The following JAKMIP1 variants were observed in gnomAD, a reference collection of about 807,000 sequenced individuals.
The protein encoded by JAKMIP1 is janus kinase and microtubule-interacting protein 1.
JAKMIP1 carries 33 observed loss-of-function variants against 113.0 expected under a neutral mutation model. The observed-to-expected ratio is 0.29, with a 90% CI of 0.22 to 0.39. The LOEUF is 0.39. JAKMIP1 is among the 10% of genes least tolerant of loss of function. The pLI is 1.00. For missense variants in JAKMIP1, 813 were observed against 1,080.5 expected (o/e 0.75, Z 3.47); for synonymous variants, 480 against 459.9 (o/e 1.04, Z -0.56).
intron 1 of JAKMIP1, among the ~76,000 whole-genome samples, chr4:6,124,527 G>A (rs1050950625): frequency 1.3e-5 from 2 of 152,204 alleles, no homozygotes; most frequent in Non-Finnish European, 2.9e-5. Context: ...ACCCTTGCCT[G>A]TCTGCATTCG....
rs1309502446 is a variant in JAKMIP1, at chr4:6,108,670, C to T, written c.130-2703G>A. 6.6e-6 allele frequency among the ~76,000 whole-genome samples: 1 copy of T among 152,166 alleles called. No individual in the cohort carries two copies. The highest frequency in any genetic ancestry group is 1.5e-5 in the Non-Finnish European group (1 of 68,034). ...CCGCCACACCCTCCATGCTCAAAGCCCTCTAAATCTCATGGGTACCAGTTC... is the reference window on the plus strand; with the variant it reads ...CCGCCACACCCTCCATGCTCAAAGCTCTCTAAATCTCATGGGTACCAGTTC... On this transcript the variant is annotated intron_variant, in intron 2 of 20. Coordinates refer to ENST00000409021, the MANE Select transcript of JAKMIP1 (RefSeq NM_001099433.2). This position sits in a 1 kb window ranked among gnomAD's most constrained non-coding sequence, Gnocchi z 5.6.
At position 6,192,367 on chromosome 4, in the gene JAKMIP1, G is replaced by A. The variant is rs1222383136; in HGVS notation, c.-148+7886C>T. Among the ~76,000 whole-genome samples, 4 of 152,186 alleles carry A rather than the reference G, an allele frequency of 2.6e-5. No homozygotes were observed. The highest frequency in any genetic ancestry group is 1.3e-4 in the Admixed American group (2 of 15,282). On this transcript the variant is annotated intron_variant, in intron 1 of 20. Transcript: ENST00000409021. This position sits in a 1 kb window ranked among gnomAD's most constrained non-coding sequence, Gnocchi z 5.0. Reference sequence around the variant, plus strand: ...AGGTCCCCTGGTGGCCTCAGGACAAGTGTATGAGTCACCTGGCATTAGGAA... The same window carrying A: ...AGGTCCCCTGGTGGCCTCAGGACAAATGTATGAGTCACCTGGCATTAGGAA...
rs1377182366 is a variant in JAKMIP1 at position 6,067,081 on chromosome 4, G to A, written c.1303-2073C>T. ...GCTTCACCCCCGCCCCAGCCTCTGGGGCCTCCTTCTTTATTCCTTTCCATA... is the reference window on the plus strand; with the variant it reads ...GCTTCACCCCCGCCCCAGCCTCTGGAGCCTCCTTCTTTATTCCTTTCCATA... On this transcript the variant is annotated intron_variant, in intron 8 of 20. Transcript: ENST00000409021. This position sits in a 1 kb window ranked among gnomAD's most constrained non-coding sequence, Gnocchi z 4.6. Among the ~76,000 whole-genome samples the A allele has an allele frequency of 5.3e-5, 8 of 152,244 alleles. No homozygotes were observed. Among genetic ancestry groups the A allele is most frequent in the Non-Finnish European group, 1.0e-4 (7 of 68,006 alleles).
chr4:6,161,850 C>G (rs566011932), intron 1 of JAKMIP1, among the ~76,000 whole-genome samples: 13 of 152,176 alleles, frequency 8.5e-5, no homozygotes, highest in African/African-American at 3.1e-4. Flanking sequence ...ATAAATGGTG[C>G]AAGTTTGGGC....
Position 6,156,564 on chromosome 4 carries a change from C to G in JAKMIP1, c.-147-43567G>C, listed in dbSNP as rs892594648. Among the ~76,000 whole-genome samples the G allele has an allele frequency of 3.9e-5, 6 of 152,238 alleles. No homozygotes were observed. The highest frequency in any genetic ancestry group is 1.4e-4 in the African/African-American group (6 of 41,458). On this transcript the variant is annotated intron_variant, in intron 1 of 20. Transcript: ENST00000409021. This position sits in a 1 kb window ranked among gnomAD's most constrained non-coding sequence, Gnocchi z 5.0. ...GTTCTGAGCGTTCGGCTTCAGCCCC[C>G]AGTCATCCTGGTGACCCAGGGCTTA...
intron 5 of JAKMIP1, among the ~76,000 whole-genome samples, chr4:6,082,263 C>T (rs1242520649): frequency 2.6e-5 from 4 of 151,896 alleles, no homozygotes; most frequent in African/African-American, 4.8e-5. Flanking sequence ...CTCTAGACCC[C>T]TGCGTTTACT....
rs1466335276 is a variant in JAKMIP1 at position 6,065,357 on chromosome 4, A to G, written c.1303-349T>C. ...TCACCTGTGAGCACAAAAGGGGGCCATGCATGCCCTGTGCCCAGAAAGCAG... is the reference window on the plus strand; with the variant it reads ...TCACCTGTGAGCACAAAAGGGGGCCGTGCATGCCCTGTGCCCAGAAAGCAG... On this transcript the variant is annotated intron_variant, in intron 8 of 20. Transcript: ENST00000409021. This position sits in a 1 kb window ranked among gnomAD's most constrained non-coding sequence, Gnocchi z 5.1. Among the ~76,000 whole-genome samples the G allele has an allele frequency of 6.6e-6, 1 of 152,234 alleles. No homozygotes were observed. The highest frequency in any genetic ancestry group is 2.4e-5 in the African/African-American group (1 of 41,464).
At chr4:6,055,008 C>T (rs1041505285) in intron 12 of JAKMIP1, among the ~76,000 whole-genome samples, 22 of 151,428 alleles carry the variant, frequency 1.5e-4, no homozygotes, top group African/African-American at 4.4e-4. Context: ...TGGGGTTGCT[C>T]GCTGTCCCAA....
Position 6,059,131 on chromosome 4 carries a change from G to A in JAKMIP1, c.1644+1293C>T, listed in dbSNP as rs180973918. Among the ~76,000 whole-genome samples, 4 of 152,342 alleles carry A rather than the reference G, an allele frequency of 2.6e-5. No homozygotes were observed. Among genetic ancestry groups the A allele is most frequent in the Admixed American group, 2.6e-4 (4 of 15,300 alleles). ...GCCAGCTATAGCATGTGAGCTCTGCGTCACGATCCCACCGCATGGAGGATG... is the reference window on the plus strand; with the variant it reads ...GCCAGCTATAGCATGTGAGCTCTGCATCACGATCCCACCGCATGGAGGATG... On this transcript the variant is annotated intron_variant, in intron 11 of 20. Coordinates refer to ENST00000409021, the MANE Select transcript of JAKMIP1 (RefSeq NM_001099433.2). The surrounding 1 kb of genome is among the most constrained non-coding windows in gnomAD (Gnocchi z 4.8).
At chr4:6,170,442 C>T (rs535545162) in intron 1 of JAKMIP1, among the ~76,000 whole-genome samples, 26 of 1,196 alleles carry the variant, frequency 0.022, no homozygotes, top group South Asian at 0.083. Flanking sequence ...GTCACCACCA[C>T]CTCCATCACC....
chr4:6,088,303 G>A lies in JAKMIP1; in HGVS notation c.625-2674C>T, dbSNP rs898076018. ...AAAACAATAACAACATCAAAGCAAA[G>A]GAAATCGGTAGGGGCAGTGGAGGGT... On this transcript the variant is annotated intron_variant, in intron 3 of 20. Transcript: ENST00000409021. The surrounding 1 kb of genome is among the most constrained non-coding windows in gnomAD (Gnocchi z 5.5). Among the ~76,000 whole-genome samples, 1 of 152,204 alleles carries A rather than the reference G, an allele frequency of 6.6e-6. No homozygotes were observed. Among genetic ancestry groups the A allele is most frequent in the Non-Finnish European group, 1.5e-5 (1 of 68,040 alleles).
chr4:6,131,933 C>T (rs1718564727), intron 1 of JAKMIP1, among the ~76,000 whole-genome samples: 1 of 152,086 alleles, frequency 6.6e-6, no homozygotes, highest in Admixed American at 6.5e-5. Context: ...GGACACCTGC[C>T]TTGGAAAAAG....
In JAKMIP1 at chr4:6,188,106, T is replaced by C. The variant is rs554667406; in HGVS notation, c.-148+12147A>G. Reference sequence around the variant, plus strand: ...CATTTTTTTTTCTTTTTGGTTCCAGTAAATGGGAGCCAATCAATTATTTAT... The same window carrying C: ...CATTTTTTTTTCTTTTTGGTTCCAGCAAATGGGAGCCAATCAATTATTTAT... On this transcript the variant is annotated intron_variant, in intron 1 of 20. Coordinates refer to ENST00000409021, the MANE Select transcript of JAKMIP1 (RefSeq NM_001099433.2). This position sits in a 1 kb window ranked among gnomAD's most constrained non-coding sequence, Gnocchi z 5.8. Among the ~76,000 whole-genome samples, 1 of 152,286 alleles carries C rather than the reference T, an allele frequency of 6.6e-6. No homozygotes were observed. Among genetic ancestry groups the C allele is most frequent in the Non-Finnish European group, 1.5e-5 (1 of 68,026 alleles).
Position 6,088,667 on chromosome 4 carries a change from G to A in JAKMIP1, c.625-3038C>T, listed in dbSNP as rs904107623. ...AGCATGAGAGTCCTGAGGCCCCAGAGGTTAAGACACTGGCCACGCTCACGT... is the reference window on the plus strand; with the variant it reads ...AGCATGAGAGTCCTGAGGCCCCAGAAGTTAAGACACTGGCCACGCTCACGT... On this transcript the variant is annotated intron_variant, in intron 3 of 20. Coordinates refer to ENST00000409021, the MANE Select transcript of JAKMIP1 (RefSeq NM_001099433.2). The surrounding 1 kb of genome is among the most constrained non-coding windows in gnomAD (Gnocchi z 5.5). Among the ~76,000 whole-genome samples the A allele has an allele frequency of 3.9e-5, 6 of 152,264 alleles. No individual in the cohort carries two copies. Among genetic ancestry groups the A allele is most frequent in the African/African-American group, 1.2e-4 (5 of 41,558 alleles).
In JAKMIP1 at chr4:6,112,996, T is replaced by A; in HGVS notation, c.-146A>T. ...CCGAGGAAACCACCATCACTTGGGA[T>A]CCTGAAGGAAGGAGGGAAACTGAGT... On this transcript the variant is annotated splice_region_variant and 5_prime_UTR_variant, in exon 2 of 21. Transcript: ENST00000409021. The A allele has an allele frequency of 2.4e-6, 3 of 1,230,350 alleles. No individual in the cohort carries two copies. The highest frequency in any genetic ancestry group is 3.3e-6 in the Non-Finnish European group (3 of 914,788). The allele number at this position is 1,230,350 out of a possible 1,614,324, so 76.2% of individuals were successfully genotyped here. A position where few individuals can be genotyped will look rare whatever the true frequency, so the allele number is the denominator to read the frequency against.
intron 16 of JAKMIP1, among the ~76,000 whole-genome samples, chr4:6,043,921 G>T (rs763558867): frequency 6.6e-6 from 1 of 151,958 alleles, no homozygotes; most frequent in Non-Finnish European, 1.5e-5. Context: ...GCACTCTCCT[G>T]TCCCCACTGA....
At chr4:6,171,132 T>C (rs901791948) in intron 1 of JAKMIP1, among the ~76,000 whole-genome samples, 3 of 136,294 alleles carry the variant, frequency 2.2e-5, no homozygotes, top group African/African-American at 8.5e-5. Flanking sequence ...ATCATCTCCA[T>C]CACCAGCACC....
intron 3 of JAKMIP1, among the ~76,000 whole-genome samples, chr4:6,095,103 G>A (rs1322349034): frequency 8.8e-5 from 13 of 147,402 alleles, no homozygotes; most frequent in Non-Finnish European, 1.9e-4. Context: ...AGGAAGGGGA[G>A]AGAGAGGAAG....
chr4:6,119,873 T>C (rs1443214164), intron 1 of JAKMIP1, among the ~76,000 whole-genome samples: 1 of 152,238 alleles, frequency 6.6e-6, no homozygotes, highest in Non-Finnish European at 1.5e-5. Flanking sequence ...GTGGCAGCCA[T>C]GGGCTTTCCA....
Sources: allele counts gnomAD v4.1 joint callset (sites outside exome capture counted in the v4.1 genomes callset), GRCh38; gene constraint gnomAD v4.1.1; non-coding constraint Gnocchi (gnomAD v3.1); transcripts MANE v1.5; gene names NCBI Gene and HGNC (gene_info 2026-07-23, HGNC 2026-07-21).